TIMD4: variants seen among roughly 807,000 people sequenced by gnomAD.
The protein encoded by TIMD4 is T cell immunoglobulin and mucin domain containing 4.
TIMD4 carries 31 observed loss-of-function variants against 41.2 expected under a neutral mutation model. That is an observed-to-expected ratio of 0.75 (90% confidence interval 0.57 to 1.01). The LOEUF (loss-of-function observed/expected upper bound fraction) is 1.01, where lower values mean the gene tolerates loss of function less well. Among genes scored for constraint, TIMD4 ranks in the 50% least tolerant of loss-of-function variants. The probability of loss-of-function intolerance (pLI) is 0.00; values close to 1 mark genes in which losing one functional copy is unlikely to be tolerated. For synonymous variants in TIMD4, 204 were observed against 177.1 expected, an observed-to-expected ratio of 1.15 and a Z score of -1.21; for missense variants, 479 against 472.5, an observed-to-expected ratio of 1.01 and a Z score of -0.13.
In TIMD4 at chr5:156,951,547, G is replaced by A. The variant is rs773842613; in HGVS notation, c.644C>T (p.Pro215Leu). 2 of 1,614,192 alleles carry A rather than the reference G, an allele frequency of 1.2e-6. No individual in the cohort carries two copies. The highest frequency in any genetic ancestry group is 8.5e-7 in the Non-Finnish European group (1 of 1,180,034). Residue 215 changes from proline (P) to leucine (L), a missense_variant, in exon 3 of 9, where the codon CCC (proline) becomes CTC (leucine). Transcript: ENST00000274532. ...GATGGGCCCTTCCTTAGAAGGCTCGGGAGTCAGAAGACCTGTGGCTTCCTC... is the reference window on the plus strand; with the variant it reads ...GATGGGCCCTTCCTTAGAAGGCTCGAGAGTCAGAAGACCTGTGGCTTCCTC... ...LPEEATGLLT[P>L]EPSKEGPILT...
Position 156,954,564 on chromosome 5 carries a change from T to C in TIMD4, c.251A>G (p.Tyr84Cys). Residue 84 changes from tyrosine (Y) to cysteine (C), a missense_variant, in exon 2 of 9, where the codon TAT becomes TGT. By Grantham distance (194) the Tyr-to-Cys change is radical. Coordinates refer to ENST00000274532, the MANE Select transcript of TIMD4 (RefSeq NM_138379.3). ...MRVTSRKSAK[Y>C]RLQGTIPRGD... ...TCTCGGGATAGTCCCCTGAAGTCTA[T>C]ATTTTGCTGACTTTCTTGAGGTCAC... is the stretch of plus-strand genomic sequence containing the variant. 1 of 1,614,256 alleles carries C rather than the reference T, an allele frequency of 6.2e-7. No individual in the cohort carries two copies. The highest frequency in any genetic ancestry group is 1.1e-5 in the South Asian group (1 of 91,090).
intron 5 of TIMD4, among the ~76,000 whole-genome samples, chr5:156,941,594 G>T (rs1000744872): frequency 6.6e-6 from 1 of 152,106 alleles, no homozygotes; most frequent in African/African-American, 2.4e-5. Context: ...AGTAAAATCA[G>T]CCCTGACCCT....
chr5:156,948,344 A>T, intron 5 of TIMD4, 72 bp downstream of exon 5: 3 of 890,844 alleles, frequency 3.4e-6, no homozygotes, highest in Non-Finnish European at 4.3e-6. Flanking sequence ...AAAAAGCAAG[A>T]TTCTGTCTAA....
Position 156,922,229 on chromosome 5 carries a change from A to G in TIMD4, c.895-13T>C. The stretch of plus-strand genomic sequence containing the variant: ...GTATTCCATCCATCTGATGGGACAC[A>G]GGCAAGGAGATGGACCCAGTCACTG... On this transcript the variant is annotated splice_polypyrimidine_tract_variant and intron_variant, in intron 6 of 8. Coordinates refer to ENST00000274532, the MANE Select transcript of TIMD4 (RefSeq NM_138379.3). 6.2e-7 allele frequency: 1 copy of G among 1,600,800 alleles called. No individual in the cohort carries two copies. Among genetic ancestry groups the G allele is most frequent in the Admixed American group, 1.7e-5 (1 of 59,940 alleles).
At chr5:156,948,027 C>T (rs917829910) in intron 5 of TIMD4, among the ~76,000 whole-genome samples, 2 of 152,198 alleles carry the variant, frequency 1.3e-5, no homozygotes, top group African/African-American at 4.8e-5. Flanking sequence ...AACAGAGGGA[C>T]TTCAGAGATG....
intron 6 of TIMD4, chr5:156,924,136 G>C (rs1472440288): frequency 1.2e-5 from 4 of 342,044 alleles, no homozygotes; most frequent in Non-Finnish European, 2.2e-5. Flanking sequence ...AGGTGGTTTA[G>C]AGGTCCATGG....
intron 2 of TIMD4, 73 bp from the exon 3 acceptor site, chr5:156,951,863 G>A (rs1172903423): frequency 1.9e-6 from 3 of 1,583,126 alleles, no homozygotes; most frequent in Admixed American, 1.7e-5. Flanking sequence ...AGTATATCTG[G>A]GACCCATCCA....
intron 5 of TIMD4, among the ~76,000 whole-genome samples, chr5:156,932,589 A>T (rs1211977643): frequency 6.6e-6 from 1 of 152,234 alleles, no homozygotes; most frequent in East Asian, 1.9e-4. Context: ...GGATTGGACA[A>T]TGTTCTATAG....
chr5:156,948,367 T>C lies in TIMD4; in HGVS notation c.844+49A>G, dbSNP rs200203848. On this transcript the variant is annotated intron_variant, in intron 5 of 8. Coordinates refer to ENST00000274532, the MANE Select transcript of TIMD4 (RefSeq NM_138379.3). ...AGATTCTGTCTAAAAAAAATAATAA[T>C]AATAATTAATAAAGTAAAATAAAAT... The C allele has an allele frequency of 1.3e-5, 13 of 966,938 alleles. No individual in the cohort carries two copies. In the East Asian group the frequency reaches 3.7e-4, roughly 27 times the overall value. 59.9% of individuals were successfully genotyped at this position (966,938 alleles called of 1,614,324 possible).
At chr5:156,933,630 C>T (rs776274179) in intron 5 of TIMD4, among the ~76,000 whole-genome samples, 2 of 151,800 alleles carry the variant, frequency 1.3e-5, no homozygotes, top group African/African-American at 4.8e-5. Context: ...TGCAGTGGTG[C>T]GATCTTGGCT....
chr5:156,949,979 G>A (rs1759824217), intron 3 of TIMD4, among the ~76,000 whole-genome samples: 1 of 152,002 alleles, frequency 6.6e-6, no homozygotes. Context: ...CACCATGCCT[G>A]GCTAATTTTG....
intron 4 of TIMD4, among the ~76,000 whole-genome samples, chr5:156,949,139 C>T (rs1759803315): frequency 6.6e-6 from 1 of 152,180 alleles, no homozygotes; most frequent in African/African-American, 2.4e-5. Flanking sequence ...AGGGTATACC[C>T]CGTCCCAGGC....
At position 156,951,682 on chromosome 5, in the gene TIMD4, G is replaced by T. The variant is rs61743250; in HGVS notation, c.509C>A (p.Thr170Lys). ...MTTTPAALPT[T>K]VVTTPDLTTG... The stretch of plus-strand genomic sequence containing the variant: ...TGTGAGATCGGGTGTGGTCACGACT[G>T]TTGTTGGAAGTGCAGCTGGGGTTGT... The change falls in exon 3 of 9, where the codon ACA becomes AAA. Residue 170 changes from threonine to lysine, a missense_variant. By Grantham distance (78) the Thr-to-Lys change is moderately conservative. Coordinates refer to ENST00000274532, the MANE Select transcript of TIMD4 (RefSeq NM_138379.3). 5.5e-3 allele frequency: 8,804 copies of T among 1,614,054 alleles called. 431 individuals are homozygous for T. The African/African-American group carries it at 0.1, about 19-fold the overall frequency.
intron 5 of TIMD4, among the ~76,000 whole-genome samples, chr5:156,936,266 T>C (rs1382301396): frequency 1.3e-5 from 2 of 151,996 alleles, no homozygotes; most frequent in Admixed American, 1.3e-4. Context: ...AATTAACTAA[T>C]CTTGATTGAG....
At chr5:156,937,725 C>T (rs536612108) in intron 5 of TIMD4, among the ~76,000 whole-genome samples, 55 of 152,278 alleles carry the variant, frequency 3.6e-4, no homozygotes, top group African/African-American at 1.2e-3. Context: ...TACATGGATT[C>T]AATTCCAATG....
intron 1 of TIMD4, among the ~76,000 whole-genome samples, chr5:156,960,825 T>C (rs1760066500): frequency 6.6e-6 from 1 of 152,218 alleles, no homozygotes; most frequent in Non-Finnish European, 1.5e-5. Context: ...CCTAGGAAGA[T>C]AGTCAAATGA....
At chr5:156,934,448 G>GTTTGTTTTGT (rs374710606) in intron 5 of TIMD4, among the ~76,000 whole-genome samples, 1 of 151,810 alleles carries the variant, frequency 6.6e-6, no homozygotes, top group African/African-American at 2.4e-5. Context: ...TTGTTTGTTT[G>GTTTGTTTTGT]TTTGTTTTGT....
At chr5:156,923,395 C>T (rs1286835651) in intron 6 of TIMD4, among the ~76,000 whole-genome samples, 1 of 152,062 alleles carries the variant, frequency 6.6e-6, no homozygotes, top group Non-Finnish European at 1.5e-5. Flanking sequence ...GTGATCTGCC[C>T]ACCTCAGCCT....
intron 5 of TIMD4, among the ~76,000 whole-genome samples, chr5:156,927,218 T>G (rs1424227628): frequency 6.6e-6 from 1 of 152,272 alleles, no homozygotes; most frequent in Non-Finnish European, 1.5e-5. Flanking sequence ...TGTTCACTAC[T>G]GAGACTGTGA....
Sources: gnomAD v4.1 joint callset for allele counts (sites outside exome capture counted in the v4.1 genomes callset) on GRCh38, gnomAD v4.1.1 for gene constraint, MANE v1.5 for transcripts, NCBI Gene and HGNC (gene_info 2026-07-23, HGNC 2026-07-21) for gene names.